The following OTOF variants were observed in gnomAD, a reference collection of about 807,000 sequenced individuals.
OTOF encodes the protein otoferlin, also known as fer-1-like family member 2.
OTOF carries 218 observed loss-of-function variants against 236.8 expected under a neutral mutation model. The ratio of observed to expected loss-of-function variants is 0.92; its 90% CI spans 0.82 to 1.03. The LOEUF (loss-of-function observed/expected upper bound fraction) is 1.03, where lower values mean the gene tolerates loss of function less well. Among genes scored for constraint, OTOF ranks in the 50% least tolerant of loss-of-function variants. The pLI, the probability that OTOF is intolerant of heterozygous loss-of-function variation, is 0.00. For synonymous variants in OTOF, 1,041 were observed against 1,072.5 expected (o/e 0.97, Z 0.57); for missense variants, 2,590 against 2,694.4 (o/e 0.96, Z 0.86).
chr2:26,514,923 G>A (rs955290097), intron 5 of OTOF, among the ~76,000 whole-genome samples: 2 of 152,228 alleles, frequency 1.3e-5, no homozygotes, highest in Non-Finnish European at 2.9e-5. Context: ...AGGAGGACCA[G>A]GTGGTGCCCA....
rs1169947046 is a variant in OTOF, at chr2:26,551,406, A to T, written c.79+7087T>A. ...ACTCACTTCCGGGCTCTAGGGGCCA[A>T]CTAGGAGCCTGCTCCTCCCTCCCTT... On this transcript the variant is annotated intron_variant, in intron 1 of 46. Transcript: ENST00000272371. 2.6e-5 allele frequency among the ~76,000 whole-genome samples: 4 copies of T among 152,246 alleles called. No individual in the cohort carries two copies. The East Asian group carries it at 7.7e-4, about 29-fold the overall frequency.
intron 1 of OTOF, among the ~76,000 whole-genome samples, chr2:26,547,982 T>C (rs1482920402): frequency 6.6e-6 from 1 of 152,266 alleles, no homozygotes; most frequent in Non-Finnish European, 1.5e-5. Context: ...GGAGGCTCTT[T>C]GGATTTTCCA....
At chr2:26,479,157 C>A (rs1467483253) in intron 18 of OTOF, 107 bp downstream of exon 18, 17 of 1,437,368 alleles carry the variant, frequency 1.2e-5, no homozygotes, top group Admixed American at 2.0e-5. Context: ...TGGGGCCGTT[C>A]CTGCAGCCCC....
intron 3 of OTOF, 52 bp from the exon 4 acceptor site, chr2:26,519,161 G>T: frequency 8.4e-7 from 1 of 1,196,384 alleles, no homozygotes. Context: ...CCAGGGTGAG[G>T]AGCAAGACTG....
At position 26,519,218 on chromosome 2, in the gene OTOF, C is replaced by T. The variant is rs1476077545; in HGVS notation, c.228-109G>A. 3 of 774,126 alleles carry T rather than the reference C, an allele frequency of 3.9e-6. No homozygotes were observed. In the East Asian group the frequency reaches 8.0e-5, roughly 21 times the overall value. The allele number at this position is 774,126 out of a possible 1,614,324, so 48.0% of individuals were successfully genotyped here. A position where few individuals can be genotyped will look rare whatever the true frequency, so the allele number is the denominator to read the frequency against. The stretch of plus-strand genomic sequence containing the variant: ...CTTGGGGAGGACTCAGGTGGGCTTG[C>T]TCCAGCTCTGGGCTGGGCTGGAGAA... On this transcript the variant is annotated intron_variant, in intron 3 of 46. Coordinates refer to ENST00000272371, the MANE Select transcript of OTOF (RefSeq NM_194248.3).
intron 36 of OTOF, among the ~76,000 whole-genome samples, 197 bp downstream of exon 36, chr2:26,466,517 A>G (rs1186181703): frequency 1.3e-5 from 2 of 152,088 alleles, no homozygotes; most frequent in East Asian, 1.9e-4. Flanking sequence ...TTGTATTTTT[A>G]GTAGAGACGG....
intron 2 of OTOF, among the ~76,000 whole-genome samples, chr2:26,537,462 G>A (rs1420644483): frequency 6.6e-6 from 1 of 152,236 alleles, no homozygotes; most frequent in Admixed American, 6.5e-5. Flanking sequence ...CCGTCGAGGT[G>A]GGCGAGGCTG....
chr2:26,464,949 C>A lies in OTOF; in HGVS notation c.4880G>T (p.Gly1627Val). The A allele has an allele frequency of 1.3e-6, 2 of 1,574,698 alleles. No homozygotes were observed. Among genetic ancestry groups the A allele is most frequent in the Non-Finnish European group, 1.7e-6 (2 of 1,159,816 alleles). Residue 1627 changes from glycine to valine, a missense_variant, in exon 39 of 47, where the codon GGC (glycine) becomes GTC (valine). By Grantham distance (109) the Gly-to-Val change is moderately radical. Around this residue, in one of 2 missense-constraint regions of OTOF, gnomAD observed 1,211 missense variants for 1,352.8 expected, o/e 0.90. Transcript: ENST00000272371. ...TCTCCCAGGGGGCCCAAAGTGGGGGCCGTCCACTTTGCCGTCTTTGCAGAG... is the reference window on the plus strand; with the variant it reads ...TCTCCCAGGGGGCCCAAAGTGGGGGACGTCCACTTTGCCGTCTTTGCAGAG... ...TRLCKDGKVD[G>V]PHFGPPGRVK...
intron 41 of OTOF, 94 bp downstream of exon 41, chr2:26,463,389 C>A: frequency 9.3e-7 from 1 of 1,070,550 alleles, no homozygotes; most frequent in South Asian, 1.3e-5. Context: ...CCAAGGCCAT[C>A]TGGACCTGAG....
chr2:26,546,376 G>A (rs950113967), intron 1 of OTOF, among the ~76,000 whole-genome samples: 4 of 151,838 alleles, frequency 2.6e-5, no homozygotes, highest in African/African-American at 7.3e-5. Context: ...AAGGAGAATC[G>A]CTTGAACCCG....
Position 26,489,689 on chromosome 2 carries a change from T to G in OTOF, c.949A>C (p.Ile317Leu). Residue 317 changes from isoleucine to leucine, a missense_variant, in exon 10 of 47, where the codon ATC becomes CTC. Coordinates refer to ENST00000272371, the MANE Select transcript of OTOF (RefSeq NM_194248.3). ...VSPDVMFDKI[I>L]KISVIHSKNL... ...TGCTCCCCACTCACCGAAATCTTGATGATCTTGTCAAACATGACATCCGGA... is the reference window on the plus strand; with the variant it reads ...TGCTCCCCACTCACCGAAATCTTGAGGATCTTGTCAAACATGACATCCGGA... 3 of 1,612,942 alleles carry G rather than the reference T, an allele frequency of 1.9e-6. No individual in the cohort carries two copies. Among genetic ancestry groups the G allele is most frequent in the Non-Finnish European group, 2.5e-6 (3 of 1,179,836 alleles).
In OTOF at chr2:26,474,512, C is replaced by A. The variant is rs1442543902; in HGVS notation, c.3288+1G>T. ...TCAGCCCCTCTTCCCTGCAGTCCCA[C>A]CTGCAGCAGCTCGAAGGCCGCCAGC... On this transcript the variant is annotated splice_donor_variant, in intron 26 of 46. Coordinates refer to ENST00000272371, the MANE Select transcript of OTOF (RefSeq NM_194248.3). LOFTEE classifies it high-confidence loss of function. The A allele has an allele frequency of 2.5e-6, 4 of 1,600,942 alleles. No individual in the cohort carries two copies. Among genetic ancestry groups the A allele is most frequent in the Non-Finnish European group, 3.4e-6 (4 of 1,173,922 alleles).
chr2:26,510,991 C>A (rs1216755702), intron 5 of OTOF, among the ~76,000 whole-genome samples: 1 of 152,246 alleles, frequency 6.6e-6, no homozygotes, highest in Non-Finnish European at 1.5e-5. Flanking sequence ...GCCTGGGTGG[C>A]CACTATTCCA....
At chr2:26,499,544 G>A (rs1666068504) in intron 8 of OTOF, among the ~76,000 whole-genome samples, 1 of 152,034 alleles carries the variant, frequency 6.6e-6, no homozygotes, top group Non-Finnish European at 1.5e-5. Flanking sequence ...GTCTCCCTCT[G>A]TTGCCCAGGT....
chr2:26,550,783 G>A (rs938184846), intron 1 of OTOF, among the ~76,000 whole-genome samples: 7 of 152,012 alleles, frequency 4.6e-5, no homozygotes, highest in East Asian at 1.9e-4. Flanking sequence ...GTCCCTGCCC[G>A]CAGTCCTCAC....
chr2:26,458,296 C>T (rs1172641369), intron 46 of OTOF, 76 bp from the exon 47 acceptor site: 33 of 1,451,306 alleles, frequency 2.3e-5, no homozygotes, highest in Non-Finnish European at 7.6e-6. Flanking sequence ...CTCTGTCCTT[C>T]TGGACCCCCA....
At position 26,483,619 on chromosome 2, in the gene OTOF, G is replaced by C. The variant is rs1427232556; in HGVS notation, c.1235C>G (p.Pro412Arg). ...GNLLLPEGVP[P>R]ERQWARFYVK... Reference sequence around the variant, plus strand: ...ATAGAACCGGGCCCACTGGCGTTCGGGGGGCACCCCCTCGGGGAGCAGCAA... The same window carrying C: ...ATAGAACCGGGCCCACTGGCGTTCGCGGGGCACCCCCTCGGGGAGCAGCAA... The change falls in exon 13 of 47, where the codon CCC becomes CGC. Residue 412 changes from proline (P) to arginine (R), a missense_variant. This residue lies in a region of OTOF where 1,379 missense variants were observed against 1,341.6 expected (regional missense o/e 1.03). Coordinates refer to ENST00000272371, the MANE Select transcript of OTOF (RefSeq NM_194248.3). 1.2e-6 allele frequency: 2 copies of C among 1,612,808 alleles called. No individual in the cohort carries two copies. The highest frequency in any genetic ancestry group is 1.7e-5 in the Admixed American group (1 of 59,994).
At chr2:26,476,404 G>A in intron 22 of OTOF, 87 bp from the exon 23 acceptor site, 1 of 1,298,194 alleles carries the variant, frequency 7.7e-7, no homozygotes, top group Non-Finnish European at 1.1e-6. Context: ...AGAGGCCCTG[G>A]TCAGAGCTGC....
In OTOF at chr2:26,472,601, G is replaced by A; in HGVS notation, c.3782C>T (p.Ser1261Phe). 1 of 1,613,326 alleles carries A rather than the reference G, an allele frequency of 6.2e-7. No homozygotes were observed. Among genetic ancestry groups the A allele is most frequent in the Non-Finnish European group, 8.5e-7 (1 of 1,179,910 alleles). Residue 1261 changes from serine (S) to phenylalanine (F), a missense_variant, in exon 30 of 47, where the codon TCT (serine) becomes TTT (phenylalanine). Physicochemically the swap from Ser to Phe is radical, Grantham distance 155. Coordinates refer to ENST00000272371, the MANE Select transcript of OTOF (RefSeq NM_194248.3). Reference sequence around the variant, plus strand: ...CACCACAACCTCCCCTGTGGAGTGAGAGGAGGAGCCCCCATTGCACAGCAC... The same window carrying A: ...CACCACAACCTCCCCTGTGGAGTGAAAGGAGGAGCCCCCATTGCACAGCAC... ...CRVLCNGGSSSHSTGEVVVTM... is the reference protein window; with the variant it reads ...CRVLCNGGSSFHSTGEVVVTM...
Sources: allele counts gnomAD v4.1 joint callset (sites outside exome capture counted in the v4.1 genomes callset), GRCh38; gene constraint gnomAD v4.1.1; regional missense constraint gnomAD v4.1.1; transcripts MANE v1.5; gene names NCBI Gene and HGNC (gene_info 2026-07-23, HGNC 2026-07-21).